The following MCTP2 variants were observed in gnomAD, a reference collection of about 807,000 sequenced individuals.
MCTP2 encodes the protein multiple C2 and transmembrane domain containing 2, also known as multiple C2 and transmembrane domain-containing protein 2.
MCTP2 carries 132 observed loss-of-function variants against 111.6 expected under a neutral mutation model. That is an observed-to-expected ratio of 1.18 (90% CI 1.03 to 1.37). The LOEUF (loss-of-function observed/expected upper bound fraction) is 1.37, where lower values mean the gene tolerates loss of function less well. Ranked by LOEUF, MCTP2 falls within the 40% of genes most tolerant of loss-of-function variation. MCTP2 has a pLI of 0.00. For synonymous variants in MCTP2, 395 were observed against 387.7 expected (o/e 1.02, Z -0.22); for missense variants, 1,183 against 1,067.9 (o/e 1.11, Z -1.50).
chr15:94,418,405 TCAGAG>T (rs2152491650), intron 17 of MCTP2, among the ~76,000 whole-genome samples: 1 of 152,240 alleles, frequency 6.6e-6, no homozygotes, highest in South Asian at 2.1e-4. Context: ...CTTCCTTTAA[TCAGAG>T]CAGAGAATTT....
chr15:94,250,477 C>T (rs923116622), intron 1 of MCTP2, among the ~76,000 whole-genome samples: 7 of 152,164 alleles, frequency 4.6e-5, no homozygotes, highest in Admixed American at 2.6e-4. Context: ...TGGATTTTCT[C>T]TAATATACTC....
At chr15:94,328,368 T>C (rs1007592773) in intron 4 of MCTP2, among the ~76,000 whole-genome samples, 9 of 152,164 alleles carry the variant, frequency 5.9e-5, no homozygotes, top group Admixed American at 2.6e-4. Context: ...GACCTCGTGA[T>C]CCACCCGCCT....
At chr15:94,446,325 A>G (rs293581) in intron 19 of MCTP2, among the ~76,000 whole-genome samples, 18,538 of 152,222 alleles carry the variant, frequency 0.12, 1,435 homozygotes, top group African/African-American at 0.21. Flanking sequence ...AGTTTTCTAG[A>G]GACTCCAGAA....
In MCTP2 at chr15:94,333,033, G is replaced by A. The variant is rs963213347; in HGVS notation, c.638-6257G>A. Among the ~76,000 whole-genome samples, 4 of 152,188 alleles carry A rather than the reference G, an allele frequency of 2.6e-5. No homozygotes were observed. In the East Asian group the frequency reaches 5.8e-4, roughly 22 times the overall value. On this transcript the variant is annotated intron_variant, in intron 4 of 22. Transcript: ENST00000357742. ...AGGCAGATTGCGAGGTCAGGAATCC[G>A]AGACCAGCCCGGCCAACGTGGTGAA...
Position 94,358,584 on chromosome 15 carries a change from A to G in MCTP2, c.1273A>G (p.Asn425Asp), listed in dbSNP as rs1180966060. The change falls in exon 10 of 23, where the codon AAC becomes GAC. Residue 425 changes from asparagine to aspartate, a missense_variant. Physicochemically the swap from Asn to Asp is conservative, Grantham distance 23. Transcript: ENST00000357742. Reference protein sequence around the residue: ...ILDIEVWGKDNKKHEERLGTC... With the variant: ...ILDIEVWGKDDKKHEERLGTC... The stretch of plus-strand genomic sequence containing the variant: ...GGACATTGAAGTGTGGGGAAAGGAC[A>G]ACAAAAAGCATGAGGAACGTCTGGG... 6.2e-6 allele frequency: 10 copies of G among 1,613,672 alleles called. No individual in the cohort carries two copies. Among genetic ancestry groups the G allele is most frequent in the Non-Finnish European group, 8.5e-6 (10 of 1,179,774 alleles).
At chr15:94,354,881 A>G (rs936659142) in intron 8 of MCTP2, among the ~76,000 whole-genome samples, 2 of 152,194 alleles carry the variant, frequency 1.3e-5, no homozygotes, top group African/African-American at 2.4e-5. Context: ...TGTCTAAATG[A>G]TCTGGAAGAT....
chr15:94,318,327 A>G (rs1285563984), intron 4 of MCTP2, among the ~76,000 whole-genome samples: 1 of 147,172 alleles, frequency 6.8e-6, no homozygotes, highest in African/African-American at 2.5e-5. Flanking sequence ...TCTGTCGCCC[A>G]GGCTGGAGTG....
intron 1 of MCTP2, among the ~76,000 whole-genome samples, chr15:94,243,181 A>G (rs913114826): frequency 1.4e-5 from 2 of 143,430 alleles, no homozygotes; most frequent in Admixed American, 1.4e-4. Context: ...GTACGTATGT[A>G]CGTATGCGTA....
chr15:94,251,363 G>GT (rs11337830), intron 1 of MCTP2, among the ~76,000 whole-genome samples: 1,856 of 146,270 alleles, frequency 0.013, 35 homozygotes, highest in African/African-American at 0.04. Flanking sequence ...TACGCATTTT[G>GT]TTTTTTTTTT....
intron 1 of MCTP2, among the ~76,000 whole-genome samples, chr15:94,270,985 TGACTG>T (rs1340841241): frequency 6.6e-6 from 1 of 152,220 alleles, no homozygotes; most frequent in Non-Finnish European, 1.5e-5. Flanking sequence ...GTGTATCAGA[TGACTG>T]GATTAGTATT....
chr15:94,442,108 C>A (rs557971346), intron 18 of MCTP2, among the ~76,000 whole-genome samples: 3 of 152,304 alleles, frequency 2.0e-5, no homozygotes, highest in East Asian at 1.9e-4. Flanking sequence ...GAACAGCGTG[C>A]CTGACCTTTG....
chr15:94,298,389 C>CA lies in MCTP2; in HGVS notation c.125dup (p.His42GlnfsTer13). On this transcript the variant is annotated frameshift_variant, in exon 2 of 23. Coordinates refer to ENST00000357742, the MANE Select transcript of MCTP2 (RefSeq NM_001385001.1). LOFTEE classifies it high-confidence loss of function. Reference sequence around the variant, plus strand: ...TAAGCCCCCAGATCTACGGGCAAGGCATCACTTGGACCGCCGTCTCAGCCT... The same window carrying CA: ...TAAGCCCCCAGATCTACGGGCAAGGCAATCACTTGGACCGCCGTCTCAGCCT... 6.2e-7 allele frequency: 1 copy of CA among 1,614,164 alleles called. No individual in the cohort carries two copies. Among genetic ancestry groups the CA allele is most frequent in the South Asian group, 1.1e-5 (1 of 91,078 alleles).
intron 1 of MCTP2, among the ~76,000 whole-genome samples, chr15:94,261,592 G>T (rs1369885496): frequency 2.0e-5 from 3 of 152,194 alleles, no homozygotes; most frequent in Non-Finnish European, 2.9e-5. Context: ...GTTCAGTAAA[G>T]GTTGGTGTTT....
At chr15:94,328,363 C>T (rs187578649) in intron 4 of MCTP2, among the ~76,000 whole-genome samples, 157 of 152,026 alleles carry the variant, frequency 1.0e-3, no homozygotes, top group African/African-American at 3.6e-3. Context: ...CTCCTGACCT[C>T]GTGATCCACC....
At chr15:94,464,869 A>G (rs2073131639) in intron 20 of MCTP2, among the ~76,000 whole-genome samples, 1 of 152,078 alleles carries the variant, frequency 6.6e-6, no homozygotes, top group African/African-American at 2.4e-5. Flanking sequence ...GTTAGAAAAT[A>G]TTGATCCAGC....
At chr15:94,410,151 A>G (rs2082091184) in intron 17 of MCTP2, among the ~76,000 whole-genome samples, 1 of 152,286 alleles carries the variant, frequency 6.6e-6, no homozygotes, top group East Asian at 1.9e-4. Context: ...ATCTGATATA[A>G]CTATTGGTGG....
intron 1 of MCTP2, among the ~76,000 whole-genome samples, chr15:94,290,563 A>G (rs960833247): frequency 1.2e-4 from 19 of 152,160 alleles, no homozygotes; most frequent in African/African-American, 4.6e-4. Context: ...ATCAAGTACT[A>G]TGTTAAATAT....
chr15:94,320,803 A>G (rs897235557), intron 4 of MCTP2, among the ~76,000 whole-genome samples: 7 of 152,186 alleles, frequency 4.6e-5, no homozygotes, highest in Non-Finnish European at 2.9e-5. Flanking sequence ...AATTCAGGAA[A>G]TGGAAGCACA....
At chr15:94,259,935 C>G (rs2073079033) in intron 1 of MCTP2, among the ~76,000 whole-genome samples, 1 of 152,180 alleles carries the variant, frequency 6.6e-6, no homozygotes, top group Non-Finnish European at 1.5e-5. Flanking sequence ...TGAATGCCCT[C>G]CACATCACCA....
Sources: gnomAD v4.1 joint callset for allele counts (sites outside exome capture counted in the v4.1 genomes callset) on GRCh38, gnomAD v4.1.1 for gene constraint, MANE v1.5 for transcripts, NCBI Gene and HGNC (gene_info 2026-07-23, HGNC 2026-07-21) for gene names.